Variants in ZNF483 observed in about 807,000 individuals in gnomAD.
The protein encoded by ZNF483 is zinc finger protein 483.
In ZNF483, 9 loss-of-function variants were observed where a neutral mutation model predicts 28.6. That is an observed-to-expected ratio of 0.32 (90% CI 0.19 to 0.55). The LOEUF is 0.55. ZNF483 is among the 20% of genes least tolerant of loss of function. The pLI is 0.93. For missense variants in ZNF483, 675 were observed against 871.7 expected (o/e 0.77, Z 2.84); for synonymous variants, 322 against 306.2 (o/e 1.05, Z -0.54).
intron 2 of ZNF483, chr9:111,528,089 T>TTACTATTTCTTG: frequency 3.8e-6 from 5 of 1,326,522 alleles, no homozygotes; most frequent in Non-Finnish European, 5.0e-6. Context: ...GCTCAAGAAA[T>TTACTATTTCTTG]AGTAATTTCT....
rs1397803814 is a variant in ZNF483, at chr9:111,543,991, AAATG to A, written c.*822_*825del. The A allele has an allele frequency of 1.0e-6, 1 of 985,232 alleles. No homozygotes were observed. The highest frequency in any genetic ancestry group is 1.7e-5 in the African/African-American group (1 of 57,198). The allele number at this position is 985,232 out of a possible 1,614,324, so 61.0% of individuals were successfully genotyped here. A position where few individuals can be genotyped will look rare whatever the true frequency, so the allele number is the denominator to read the frequency against. On this transcript the variant is annotated 3_prime_UTR_variant, in exon 6 of 6. Transcript: ENST00000309235. ...TGAAAACTTCGTGCAGGAATCCCTC[AAATG>A]CTGTAACTAGGAATGGGTCAGTGAA...
intron 1 of ZNF483, among the ~76,000 whole-genome samples, chr9:111,525,791 C>G (rs193190773): frequency 3.3e-4 from 51 of 152,248 alleles, no homozygotes; most frequent in Non-Finnish European, 6.0e-4. Flanking sequence ...AGCACGGCGC[C>G]AGGTACGTGG....
chr9:111,569,922 T>C (rs1828734236), intron 5 of ZNF483: 4 of 1,137,098 alleles, frequency 3.5e-6, no homozygotes, highest in Non-Finnish European at 4.9e-6. Context: ...TTGTTTTCCT[T>C]TCAAAGATGG....
At chr9:111,528,463 ATATCAT>A (rs1827235053) in intron 2 of ZNF483, among the ~76,000 whole-genome samples, 1 of 152,244 alleles carries the variant, frequency 6.6e-6, no homozygotes, top group South Asian at 2.1e-4. Flanking sequence ...AATTACGGTG[ATATCAT>A]TATAAAATAT....
At chr9:111,532,440 G>C (rs1187587508) in intron 3 of ZNF483, among the ~76,000 whole-genome samples, 1 of 152,148 alleles carries the variant, frequency 6.6e-6, no homozygotes, top group Non-Finnish European at 1.5e-5. Context: ...AACACAAAGA[G>C]AAGGTGTTGT....
Position 111,543,988 on chromosome 9 carries a change from C to T in ZNF483, c.*818C>T. 1 of 985,318 alleles carries T rather than the reference C, an allele frequency of 1.0e-6. No individual in the cohort carries two copies. The highest frequency in any genetic ancestry group is 1.2e-6 in the Non-Finnish European group (1 of 829,922). 61.0% of individuals were successfully genotyped at this position (985,318 alleles called of 1,614,324 possible). A position where few individuals can be genotyped will look rare whatever the true frequency, so the allele number is the denominator to read the frequency against. ...TTTTGAAAACTTCGTGCAGGAATCC[C>T]TCAAATGCTGTAACTAGGAATGGGT... On this transcript the variant is annotated 3_prime_UTR_variant, in exon 6 of 6. Coordinates refer to ENST00000309235, the MANE Select transcript of ZNF483 (RefSeq NM_133464.5).
Position 111,545,867 on chromosome 9 carries a change from G to C in ZNF483, c.*2697G>C, listed in dbSNP as rs1346808878. Among the ~76,000 whole-genome samples, 1 of 152,170 alleles carries C rather than the reference G, an allele frequency of 6.6e-6. No homozygotes were observed. The highest frequency in any genetic ancestry group is 6.5e-5 in the Admixed American group (1 of 15,276). The stretch of plus-strand genomic sequence containing the variant: ...ACATTGGTATGCAAGTGTTTTGAAC[G>C]TTAGTGTACAAGTCTTTGTGTGGAC... On this transcript the variant is annotated 3_prime_UTR_variant, in exon 6 of 6. Coordinates refer to ENST00000309235, the MANE Select transcript of ZNF483 (RefSeq NM_133464.5).
rs200816466 is a variant in ZNF483, at chr9:111,541,980, C to G, written c.1045C>G (p.Arg349Gly). 7.4e-6 allele frequency: 12 copies of G among 1,613,844 alleles called. No individual in the cohort carries two copies. The Admixed American group carries it at 2.0e-4, about 27-fold the overall frequency. ...FSFHSDLVLN[R>G]KEKTAGEKSR... ...TTTTCATTCAGACCTTGTTCTGAAC[C>G]GCAAGGAGAAAACCGCCGGAGAAAA... The change falls in exon 6 of 6, where the codon CGC becomes GGC. Residue 349 changes from arginine to glycine, a missense_variant. Physicochemically the swap from Arg to Gly is moderately radical, Grantham distance 125 (BLOSUM62 -2). Coordinates refer to ENST00000309235, the MANE Select transcript of ZNF483 (RefSeq NM_133464.5).
chr9:111,570,328 T>TCCATTTCC, intron 5 of ZNF483: 1 of 1,431,060 alleles, frequency 7.0e-7, no homozygotes, highest in African/African-American at 1.4e-5. Flanking sequence ...CTTCTCCCCT[T>TCCATTTCC]CCATTTCCTC....
Position 111,543,992 on chromosome 9 carries a change from A to G in ZNF483, c.*822A>G. The stretch of plus-strand genomic sequence containing the variant: ...GAAAACTTCGTGCAGGAATCCCTCA[A>G]ATGCTGTAACTAGGAATGGGTCAGT... On this transcript the variant is annotated 3_prime_UTR_variant, in exon 6 of 6. Coordinates refer to ENST00000309235, the MANE Select transcript of ZNF483 (RefSeq NM_133464.5). The G allele has an allele frequency of 1.0e-6, 1 of 985,320 alleles. No individual in the cohort carries two copies. The highest frequency in any genetic ancestry group is 1.2e-6 in the Non-Finnish European group (1 of 829,930). 61.0% of individuals were successfully genotyped at this position (985,320 alleles called of 1,614,324 possible).
At position 111,541,677 on chromosome 9, in the gene ZNF483, A is replaced by G. The variant is rs1827672992; in HGVS notation, c.742A>G (p.Ile248Val). Residue 248 changes from isoleucine to valine, a missense_variant, in exon 6 of 6, where the codon ATA (isoleucine) becomes GTA (valine). Physicochemically the swap from Ile to Val is conservative, Grantham distance 29 (BLOSUM62 3). Around this residue, in one of 6 missense-constraint regions of ZNF483, gnomAD observed 525 missense variants for 581.8 expected, o/e 0.90. Coordinates refer to ENST00000309235, the MANE Select transcript of ZNF483 (RefSeq NM_133464.5). ...SRLDESALDKIIERCLRDDDH... is the reference protein window; with the variant it reads ...SRLDESALDKVIERCLRDDDH... ...TTTAGATGAATCAGCTTTAGATAAA[A>G]TAATAGAAAGGTGCCTCAGGGATGA... 3 of 1,603,404 alleles carry G rather than the reference A, an allele frequency of 1.9e-6. No individual in the cohort carries two copies.
Position 111,543,869 on chromosome 9 carries a change from C to G in ZNF483, c.*699C>G. On this transcript the variant is annotated 3_prime_UTR_variant, in exon 6 of 6. Coordinates refer to ENST00000309235, the MANE Select transcript of ZNF483 (RefSeq NM_133464.5). ...TCCTGGGCTCAAGTGATCCTTCCAT[C>G]TCACTTTCCTGAGTAGCTGACATTA... 1 of 976,076 alleles carries G rather than the reference C, an allele frequency of 1.0e-6. No homozygotes were observed. Among genetic ancestry groups the G allele is most frequent in the Non-Finnish European group, 1.2e-6 (1 of 822,720 alleles). The allele number at this position is 976,076 out of a possible 1,614,324, so 60.5% of individuals were successfully genotyped here. A position where few individuals can be genotyped will look rare whatever the true frequency, so the allele number is the denominator to read the frequency against.
Position 111,576,444 on chromosome 9 carries a change from T to C in ZNF483, c.*30T>C, listed in dbSNP as rs139721874. On this transcript the variant is annotated 3_prime_UTR_variant, in exon 6 of 6. Transcript: ENST00000358151. ...ATGCTCTGCCTTCTTGTTTCAACTG[T>C]TACACAGAGATGACCAGAGGATGGG... 1,668 of 1,613,878 alleles carry C rather than the reference T, an allele frequency of 1.0e-3. 19 individuals are homozygous for C. In the African/African-American group the frequency reaches 0.02, roughly 19 times the overall value.
At chr9:111,561,102 T>TAGAGAGAGAG (rs1448011286) in intron 5 of ZNF483, among the ~76,000 whole-genome samples, 2 of 29,354 alleles carry the variant, frequency 6.8e-5, no homozygotes, top group Non-Finnish European at 1.2e-4. Flanking sequence ...TATATATATA[T>TAGAGAGAGAG]ATATATATAG....
chr9:111,571,770 T>C (rs1828831826), intron 5 of ZNF483, among the ~76,000 whole-genome samples: 1 of 152,114 alleles, frequency 6.6e-6, no homozygotes, highest in Non-Finnish European at 1.5e-5. Context: ...TCCCAAAATA[T>C]TGGGATTACA....
chr9:111,571,670 TTGTTTG>T (rs941543852), intron 5 of ZNF483, among the ~76,000 whole-genome samples: 1 of 151,924 alleles, frequency 6.6e-6, no homozygotes, highest in Non-Finnish European at 1.5e-5. Flanking sequence ...GTTTGTTTGT[TTGTTTG>T]TTTGTTTTTT....
At chr9:111,541,140 A>G (rs1589275161) in intron 5 of ZNF483, among the ~76,000 whole-genome samples, 1 of 137,020 alleles carries the variant, frequency 7.3e-6, no homozygotes, top group African/African-American at 2.9e-5. Context: ...CCTAGGCTGG[A>G]GTGCAGTGCC....
At chr9:111,530,031 A>G (rs1364261001) in intron 2 of ZNF483, among the ~76,000 whole-genome samples, 1 of 152,134 alleles carries the variant, frequency 6.6e-6, no homozygotes, top group Admixed American at 6.5e-5. Flanking sequence ...GATTTTTGGA[A>G]AGTCCTTAGA....
rs1367273097 is a variant in ZNF483 at position 111,548,858 on chromosome 9, C to T, written c.*5688C>T. Among the ~76,000 whole-genome samples, 1 of 151,822 alleles carries T rather than the reference C, an allele frequency of 6.6e-6. No individual in the cohort carries two copies. Among genetic ancestry groups the T allele is most frequent in the African/African-American group, 2.4e-5 (1 of 41,310 alleles). On this transcript the variant is annotated 3_prime_UTR_variant, in exon 6 of 6. Coordinates refer to ENST00000309235, the MANE Select transcript of ZNF483 (RefSeq NM_133464.5). The stretch of plus-strand genomic sequence containing the variant: ...TTCTGCATTAAGAGTATAACAACGC[C>T]ACAGCCTTCTGGCTTCCAAGGTTTT...
Sources: allele counts gnomAD v4.1 joint callset (sites outside exome capture counted in the v4.1 genomes callset), GRCh38; gene constraint gnomAD v4.1.1; regional missense constraint gnomAD v4.1.1; transcripts MANE v1.5; gene names NCBI Gene and HGNC (gene_info 2026-07-23, HGNC 2026-07-21).